The following PAPPA variants were observed in gnomAD, a reference collection of about 807,000 sequenced individuals.
PAPPA encodes the protein pappalysin 1.
PAPPA carries 60 observed loss-of-function variants against 164.0 expected under a neutral mutation model. The ratio of observed to expected loss-of-function variants is 0.37; its 90% confidence interval spans 0.30 to 0.45. PAPPA has a LOEUF of 0.45. Among genes scored for constraint, PAPPA ranks in the 20% least tolerant of loss-of-function variants. PAPPA has a pLI of 1.00. For missense variants in PAPPA, 1,782 were observed against 2,087.3 expected, an observed-to-expected ratio of 0.85 and a Z score of 2.85; for synonymous variants, 875 against 814.1, an observed-to-expected ratio of 1.07 and a Z score of -1.27.
chr9:116,368,476 G>A (rs1294599659), intron 19 of PAPPA, among the ~76,000 whole-genome samples: 1 of 152,190 alleles, frequency 6.6e-6, no homozygotes, highest in Non-Finnish European at 1.5e-5. Flanking sequence ...CACAGTGCCA[G>A]GCCGGTGTGC....
At chr9:116,163,473 G>A (rs115801898) in intron 1 of PAPPA, among the ~76,000 whole-genome samples, 1,668 of 152,258 alleles carry the variant, frequency 0.011, 29 homozygotes, top group African/African-American at 0.038. Context: ...CTAGTTTGCT[G>A]TGTGACTTTA....
At chr9:116,241,152 T>C (rs1227477410) in intron 7 of PAPPA, among the ~76,000 whole-genome samples, 1 of 152,198 alleles carries the variant, frequency 6.6e-6, no homozygotes, top group Non-Finnish European at 1.5e-5. Flanking sequence ...ATGCTTTGAA[T>C]ACCCATCAAT....
intron 17 of PAPPA, among the ~76,000 whole-genome samples, chr9:116,357,323 C>G (rs563903189): frequency 6.6e-6 from 1 of 152,326 alleles, no homozygotes; most frequent in South Asian, 2.1e-4. Flanking sequence ...GATAGTCCAG[C>G]TCTAGCACTT....
Position 116,246,725 on chromosome 9 carries a change from A to G in PAPPA, c.2732+11088A>G, listed in dbSNP as rs751629778. ...AAAAGCAAGGTTATAGATAGAAAAG[A>G]AAATGAAGGCCAAATGCGGTGGCTC... On this transcript the variant is annotated intron_variant, in intron 7 of 21. Coordinates refer to ENST00000328252, the MANE Select transcript of PAPPA (RefSeq NM_002581.5). 7.2e-5 allele frequency among the ~76,000 whole-genome samples: 11 copies of G among 152,220 alleles called. 1 individual carries two copies. Among genetic ancestry groups the G allele is most frequent in the Non-Finnish European group, 1.3e-4 (9 of 68,034 alleles).
chr9:116,195,044 G>T lies in PAPPA; in HGVS notation c.1478+6828G>T, dbSNP rs577702323. ...ACCCAAATGTCTGGCAGTGTTAAAG[G>T]ACATATTTCTGTACAAAACCATTCC... On this transcript the variant is annotated intron_variant, in intron 2 of 21. Transcript: ENST00000328252. Among the ~76,000 whole-genome samples the T allele has an allele frequency of 3.3e-5, 5 of 152,214 alleles. No individual in the cohort carries two copies. The South Asian group carries it at 1.0e-3, about 32-fold the overall frequency.
chr9:116,369,639 AC>A lies in PAPPA; in HGVS notation c.4605+1890del, dbSNP rs1302594478. Among the ~76,000 whole-genome samples, 3 of 151,584 alleles carry A rather than the reference AC, an allele frequency of 2.0e-5. 1 individual carries two copies. The highest frequency in any genetic ancestry group is 4.4e-5 in the Non-Finnish European group (3 of 67,920). The stretch of plus-strand genomic sequence containing the variant: ...GCCTCCCACTTAAGACCTTTTTCCT[AC>A]CCCCTGGGCAAATTCCCACCCTTCC... On this transcript the variant is annotated intron_variant, in intron 19 of 21. Transcript: ENST00000328252.
At chr9:116,302,628 C>G in intron 9 of PAPPA, 129 bp from the exon 10 acceptor site, 1 of 642,816 alleles carries the variant, frequency 1.6e-6, no homozygotes. Context: ...AATAGTCCAT[C>G]GTGACTAATG....
At chr9:116,243,882 A>AT (rs1844765253) in intron 7 of PAPPA, among the ~76,000 whole-genome samples, 1 of 152,094 alleles carries the variant, frequency 6.6e-6, no homozygotes, top group African/African-American at 2.4e-5. Context: ...CCTGCCCAGC[A>AT]TGGTTTTGCC....
intron 1 of PAPPA, among the ~76,000 whole-genome samples, chr9:116,177,854 C>T (rs575871888): frequency 5.3e-5 from 8 of 152,240 alleles, no homozygotes; most frequent in Non-Finnish European, 1.0e-4. Flanking sequence ...CTTCTTTGAC[C>T]CCATCCCCCA....
intron 10 of PAPPA, among the ~76,000 whole-genome samples, chr9:116,326,849 T>A (rs1250623055): frequency 1.3e-5 from 2 of 152,260 alleles, no homozygotes; most frequent in Non-Finnish European, 2.9e-5. Context: ...TTGTTTTCCA[T>A]GTCTGGCTTA....
Position 116,347,190 on chromosome 9 carries a change from TCACCCTGCA to T in PAPPA, c.3948_3956del (p.His1316_Ala1318del). On this transcript the variant is annotated inframe_deletion, in exon 15 of 22. Transcript: ENST00000328252. The surrounding 1 kb of genome is among the most constrained non-coding windows in gnomAD (Gnocchi z 4.5). ...GCAGTCAATGTTCCTTCCAGTGCCG[TCACCCTGCA>T]CAATTGAAAGGTATCAAGAACGCCT... is the stretch of plus-strand genomic sequence containing the variant. The T allele has an allele frequency of 6.2e-7, 1 of 1,613,106 alleles. No individual in the cohort carries two copies. Among genetic ancestry groups the T allele is most frequent in the Non-Finnish European group, 8.5e-7 (1 of 1,179,508 alleles).
At chr9:116,191,587 A>C (rs777278173) in intron 2 of PAPPA, among the ~76,000 whole-genome samples, 2 of 152,244 alleles carry the variant, frequency 1.3e-5, no homozygotes, top group Admixed American at 1.3e-4. Context: ...AAAGTCATAT[A>C]GAAACATAAG....
chr9:116,345,009 A>C (rs1169374161), intron 14 of PAPPA, among the ~76,000 whole-genome samples: 1 of 152,216 alleles, frequency 6.6e-6, no homozygotes, highest in Non-Finnish European at 1.5e-5. Context: ...TTTGGAATGA[A>C]TATCTTACAG....
intron 3 of PAPPA, among the ~76,000 whole-genome samples, chr9:116,208,471 T>A (rs956926081): frequency 2.6e-5 from 4 of 152,226 alleles, no homozygotes; most frequent in Non-Finnish European, 4.4e-5. Context: ...TATTTTCCCC[T>A]CTCTAAAGCC....
chr9:116,253,557 C>T (rs908814737), intron 7 of PAPPA, among the ~76,000 whole-genome samples: 1 of 152,046 alleles, frequency 6.6e-6, no homozygotes, highest in African/African-American at 2.4e-5. Context: ...AGATCCTTAC[C>T]AACCACCCCT....
Position 116,188,135 on chromosome 9 carries a change from T to C in PAPPA, c.1397T>C (p.Phe466Ser). The change falls in exon 2 of 22, where the codon TTC becomes TCC. Residue 466 changes from phenylalanine (F) to serine (S), a missense_variant. Around this residue, in one of 2 missense-constraint regions of PAPPA, gnomAD observed 1,324 missense variants for 1,656.9 expected, o/e 0.80. Coordinates refer to ENST00000328252, the MANE Select transcript of PAPPA (RefSeq NM_002581.5). ...GACATGGACTGCAACTATGAACGGT[T>C]CAACTTTGATGGTGGAGAGTGCTGT... ...VCDMDCNYER[F>S]NFDGGECCDP... is the part of the protein sequence containing the mutation. 7.4e-6 allele frequency: 12 copies of C among 1,613,978 alleles called. No individual in the cohort carries two copies. Among genetic ancestry groups the C allele is most frequent in the Non-Finnish European group, 1.0e-5 (12 of 1,179,920 alleles).
intron 1 of PAPPA, among the ~76,000 whole-genome samples, chr9:116,177,680 G>C (rs1158507028): frequency 6.6e-6 from 1 of 152,200 alleles, no homozygotes; most frequent in Non-Finnish European, 1.5e-5. Flanking sequence ...GGCTTGATGA[G>C]TGAGTGGAGA....
rs370212516 is a variant in PAPPA at position 116,377,539 on chromosome 9, C to A, written c.4606-37C>A. On this transcript the variant is annotated intron_variant, in intron 19 of 21. Coordinates refer to ENST00000328252, the MANE Select transcript of PAPPA (RefSeq NM_002581.5). Reference sequence around the variant, plus strand: ...ACACGGAGGTGGGTCCCTCCCAATCCCAAGCCCATCTGACCTTTCTCTCCC... The same window carrying A: ...ACACGGAGGTGGGTCCCTCCCAATCACAAGCCCATCTGACCTTTCTCTCCC... 39 of 1,521,942 alleles carry A rather than the reference C, an allele frequency of 2.6e-5. No individual in the cohort carries two copies. In the African/African-American group the frequency reaches 4.2e-4, roughly 17 times the overall value. The allele number at this position is 1,521,942 out of a possible 1,614,324, so 94.3% of individuals were successfully genotyped here. A position where few individuals can be genotyped will look rare whatever the true frequency, so the allele number is the denominator to read the frequency against.
intron 9 of PAPPA, among the ~76,000 whole-genome samples, chr9:116,300,083 G>A (rs1444559650): frequency 6.6e-6 from 1 of 152,008 alleles, no homozygotes. Flanking sequence ...CTTGGATTGG[G>A]CCTAGGTTAT....
Sources: gnomAD v4.1 joint callset for allele counts (sites outside exome capture counted in the v4.1 genomes callset) on GRCh38, gnomAD v4.1.1 for gene constraint, gnomAD v4.1.1 regional missense constraint, Gnocchi (gnomAD v3.1) non-coding constraint, MANE v1.5 for transcripts, NCBI Gene and HGNC (gene_info 2026-07-23, HGNC 2026-07-21) for gene names.